The following ADGRA3 variants were observed in gnomAD, a reference collection of about 807,000 sequenced individuals.
ADGRA3 encodes adhesion G protein-coupled receptor A3, also known as G-protein coupled receptor 125.
In ADGRA3, 56 loss-of-function variants were observed where a neutral mutation model predicts 119.8. The observed-to-expected ratio is 0.47, with a 90% CI of 0.38 to 0.58. The LOEUF is 0.58. Among genes scored for constraint, ADGRA3 ranks in the 20% least tolerant of loss-of-function variants. The pLI is 0.00. For missense variants in ADGRA3, 1,516 were observed against 1,649.0 expected (o/e 0.92, Z 1.40); for synonymous variants, 607 against 623.8 (o/e 0.97, Z 0.40).
At chr4:22,506,515 T>A (rs1413416843) in intron 1 of ADGRA3, among the ~76,000 whole-genome samples, 1 of 152,174 alleles carries the variant, frequency 6.6e-6, no homozygotes, top group Non-Finnish European at 1.5e-5. Context: ...ATCGCACCAC[T>A]GCACTCCAGC....
chr4:22,389,291 T>C (rs529466483), intron 17 of ADGRA3, 108 bp from the exon 18 acceptor site: 69 of 741,778 alleles, frequency 9.3e-5, no homozygotes, highest in Non-Finnish European at 9.6e-5. Flanking sequence ...TTAATTATTA[T>C]CTTTATTCCA....
chr4:22,513,865 A>G (rs959180760), intron 1 of ADGRA3, among the ~76,000 whole-genome samples: 1 of 151,296 alleles, frequency 6.6e-6, no homozygotes, highest in Non-Finnish European at 1.5e-5. Flanking sequence ...AAAAAAAAAA[A>G]AAAAAAAAAC....
chr4:22,483,382 A>G (rs1405986217), intron 1 of ADGRA3, among the ~76,000 whole-genome samples: 1 of 152,178 alleles, frequency 6.6e-6, no homozygotes, highest in Non-Finnish European at 1.5e-5. Flanking sequence ...CTGAGGACAT[A>G]ATGACATAGC....
intron 5 of ADGRA3, among the ~76,000 whole-genome samples, chr4:22,447,197 T>C (rs1716861604): frequency 6.6e-6 from 1 of 152,068 alleles, no homozygotes; most frequent in African/African-American, 2.4e-5. Flanking sequence ...CAATTACCAG[T>C]TTACTTACTC....
At chr4:22,409,271 A>G (rs1715086671) in intron 14 of ADGRA3, among the ~76,000 whole-genome samples, 1 of 152,226 alleles carries the variant, frequency 6.6e-6, no homozygotes, top group African/African-American at 2.4e-5. Context: ...TTTGTCTCAC[A>G]GATGCTCAAT....
chr4:22,390,839 C>A lies in ADGRA3; in HGVS notation c.2628-1656G>T, dbSNP rs151337626. Among the ~76,000 whole-genome samples the A allele has an allele frequency of 2.6e-3, 393 of 152,222 alleles. 3 individuals carry two copies. Among genetic ancestry groups the A allele is most frequent in the African/African-American group, 8.9e-3 (368 of 41,550 alleles). On this transcript the variant is annotated intron_variant, in intron 17 of 18. Coordinates refer to ENST00000334304, the MANE Select transcript of ADGRA3 (RefSeq NM_145290.4). The stretch of plus-strand genomic sequence containing the variant: ...TAACTCTTTATCTTTCTTCTCAGAA[C>A]CTTATAGGAATGAACAGCTGCTTAA...
intron 13 of ADGRA3, 87 bp downstream of exon 13, chr4:22,413,514 A>C: frequency 7.0e-7 from 1 of 1,420,068 alleles, no homozygotes; most frequent in Non-Finnish European, 9.9e-7. Context: ...TAAAACGAGA[A>C]AACACTAAAA....
chr4:22,390,320 T>A (rs1474019238), intron 17 of ADGRA3, among the ~76,000 whole-genome samples: 1 of 106,272 alleles, frequency 9.4e-6, no homozygotes, highest in African/African-American at 4.8e-5. Flanking sequence ...TCTCTACTGC[T>A]TATATATATA....
At chr4:22,418,493 G>T (rs753299870) in intron 12 of ADGRA3, among the ~76,000 whole-genome samples, 1 of 152,170 alleles carries the variant, frequency 6.6e-6, no homozygotes, top group East Asian at 1.9e-4. Flanking sequence ...GATTCGAGTA[G>T]GAGAATTAGC....
chr4:22,447,626 A>C, intron 4 of ADGRA3, 115 bp from the exon 5 acceptor site: 1 of 587,138 alleles, frequency 1.7e-6, no homozygotes, highest in Non-Finnish European at 2.9e-6. Context: ...AGAACTCATG[A>C]AAGTTTCAAT....
intron 1 of ADGRA3, among the ~76,000 whole-genome samples, chr4:22,491,261 G>T (rs1718612142): frequency 6.6e-6 from 1 of 152,216 alleles, no homozygotes; most frequent in Non-Finnish European, 1.5e-5. Context: ...AAACTTGCCA[G>T]GTGCCAGACG....
intron 1 of ADGRA3, among the ~76,000 whole-genome samples, chr4:22,486,140 C>T (rs760366869): frequency 3.9e-5 from 6 of 152,176 alleles, no homozygotes; most frequent in Non-Finnish European, 7.3e-5. Context: ...TCAATGCTTC[C>T]GGGGTCTCTG....
chr4:22,472,999 A>G (rs1717908750), intron 2 of ADGRA3: 1 of 152,234 alleles, frequency 6.6e-6, no homozygotes, highest in South Asian at 2.1e-4. Flanking sequence ...GTAACACATC[A>G]TAAGCAAAAC....
In ADGRA3 at chr4:22,387,982, C is replaced by T. The variant is rs768355147; in HGVS notation, c.3689G>A (p.Arg1230Lys). Residue 1230 changes from arginine (R) to lysine (K), a missense_variant, in exon 19 of 19, where the codon AGA (arginine) becomes AAA (lysine). By Grantham distance (26) the Arg-to-Lys change is conservative. Around this residue, in one of 2 missense-constraint regions of ADGRA3, gnomAD observed 1,088 missense variants for 1,107.1 expected, o/e 0.98. Coordinates refer to ENST00000334304, the MANE Select transcript of ADGRA3 (RefSeq NM_145290.4). ...SRRAYLAYRE[R>K]QYNPPQQDSS... is the part of the protein sequence containing the mutation. ...GTCTTGCTGGGGTGGGTTGTACTGT[C>T]TCTCTCTGTAGGCTAAATAAGCTCT... 1 of 1,614,128 alleles carries T rather than the reference C, an allele frequency of 6.2e-7. No homozygotes were observed. The highest frequency in any genetic ancestry group is 8.5e-7 in the Non-Finnish European group (1 of 1,180,004).
chr4:22,461,830 T>A (rs1266397105), intron 2 of ADGRA3, 22 bp from the exon 3 acceptor site: 3 of 1,491,020 alleles, frequency 2.0e-6, no homozygotes, highest in Non-Finnish European at 2.8e-6. Flanking sequence ...AAAATAAAAG[T>A]TATTCACATA....
chr4:22,458,145 A>G (rs575573695), intron 3 of ADGRA3, among the ~76,000 whole-genome samples: 1 of 152,354 alleles, frequency 6.6e-6, no homozygotes, highest in Admixed American at 6.5e-5. Context: ...ATCATTCAGC[A>G]TCAGCCCGAG....
chr4:22,507,600 G>C (rs897673156), intron 1 of ADGRA3, among the ~76,000 whole-genome samples: 1 of 152,086 alleles, frequency 6.6e-6, no homozygotes, highest in Non-Finnish European at 1.5e-5. Flanking sequence ...TTTGGGACTT[G>C]GTATCCTGCC....
At chr4:22,451,991 G>T (rs1015181672) in intron 4 of ADGRA3, among the ~76,000 whole-genome samples, 1 of 152,140 alleles carries the variant, frequency 6.6e-6, no homozygotes, top group Admixed American at 6.5e-5. Context: ...CCTGGCTCAA[G>T]AGCTCAAAAA....
intron 7 of ADGRA3, among the ~76,000 whole-genome samples, chr4:22,442,107 G>A (rs1372823156): frequency 6.6e-6 from 1 of 152,098 alleles, no homozygotes; most frequent in East Asian, 1.9e-4. Flanking sequence ...TTTTACCAAA[G>A]TAAAATATCT....
Sources: gnomAD v4.1 joint callset for allele counts (sites outside exome capture counted in the v4.1 genomes callset) on GRCh38, gnomAD v4.1.1 for gene constraint, gnomAD v4.1.1 regional missense constraint, MANE v1.5 for transcripts, NCBI Gene and HGNC (gene_info 2026-07-23, HGNC 2026-07-21) for gene names.